TENM2: variants seen among roughly 807,000 people sequenced by gnomAD.
TENM2 encodes the protein teneurin-2.
A neutral mutation model predicts 245.2 loss-of-function variants in TENM2; 52 were observed. The observed-to-expected ratio is 0.21, with a 90% CI of 0.17 to 0.27. TENM2 has a LOEUF of 0.27. Ranked by LOEUF, TENM2 falls within the 10% of genes least tolerant of loss-of-function variation. The probability of loss-of-function intolerance (pLI) is 1.00; values close to 1 mark genes in which losing one functional copy is unlikely to be tolerated. For missense variants in TENM2, 3,046 were observed against 3,666.8 expected (o/e 0.83, Z 4.37); for synonymous variants, 1,363 against 1,438.9 (o/e 0.95, Z 1.19).
intron 2 of TENM2, among the ~76,000 whole-genome samples, chr5:167,566,830 T>C (rs922570013): frequency 1.3e-5 from 2 of 152,172 alleles, no homozygotes; most frequent in African/African-American, 2.4e-5. Context: ...CTCTCTTGAT[T>C]TGCTTTCCAT....
chr5:167,581,323 A>G (rs1775079590), intron 2 of TENM2, among the ~76,000 whole-genome samples: 1 of 152,242 alleles, frequency 6.6e-6, no homozygotes, highest in African/African-American at 2.4e-5. Context: ...TGGTACTTTA[A>G]AAAATATCCT....
At chr5:167,372,151 C>G (rs13355851) in intron 1 of TENM2, among the ~76,000 whole-genome samples, 4,358 of 152,100 alleles carry the variant, frequency 0.029, 214 homozygotes, top group African/African-American at 0.099. Flanking sequence ...TGTAAACATA[C>G]TCATTTAGCT....
At chr5:167,526,387 CACACACAG>C (rs1270175338) in intron 2 of TENM2, among the ~76,000 whole-genome samples, 1 of 151,490 alleles carries the variant, frequency 6.6e-6, no homozygotes, top group African/African-American at 2.4e-5. Flanking sequence ...CACACACACA[CACACACAG>C]AAAAGAAGAA....
intron 12 of TENM2, among the ~76,000 whole-genome samples, chr5:168,139,699 A>T (rs973822869): frequency 2.0e-5 from 3 of 152,196 alleles, no homozygotes; most frequent in Non-Finnish European, 4.4e-5. Flanking sequence ...TACATGGGGT[A>T]GGCGAGAATG....
chr5:167,761,965 C>T (rs934456542), intron 2 of TENM2, among the ~76,000 whole-genome samples: 19 of 152,170 alleles, frequency 1.2e-4, no homozygotes, highest in Admixed American at 6.5e-5. Context: ...CTTCAACCAA[C>T]GAGCTAGGAG....
chr5:167,977,290 T>G (rs1782511781), intron 4 of TENM2, among the ~76,000 whole-genome samples: 1 of 152,142 alleles, frequency 6.6e-6, no homozygotes, highest in Non-Finnish European at 1.5e-5. Context: ...AGTTTATCTA[T>G]ATAACAAACC....
chr5:167,147,414 G>A, the TENM2 span, among the ~76,000 whole-genome samples: 2 of 152,120 alleles, frequency 1.3e-5, no homozygotes, highest in Non-Finnish European at 2.9e-5. Context: ...GATGTTGATG[G>A]CAGTTGAATT....
At chr5:167,684,618 G>A (rs75291314) in intron 2 of TENM2, among the ~76,000 whole-genome samples, 2,169 of 152,242 alleles carry the variant, frequency 0.014, 47 homozygotes, top group African/African-American at 0.05. Context: ...AAAACATTTT[G>A]TTGAGAGGAT....
the TENM2 span, among the ~76,000 whole-genome samples, chr5:167,179,857 T>C: frequency 1.3e-5 from 2 of 152,178 alleles, no homozygotes; most frequent in Admixed American, 6.5e-5. Flanking sequence ...TGTCCTGATA[T>C]TAGCTGCATG....
intron 23 of TENM2, among the ~76,000 whole-genome samples, chr5:168,223,633 A>G (rs1380951250): frequency 6.6e-6 from 1 of 151,792 alleles, no homozygotes; most frequent in Non-Finnish European, 1.5e-5. Flanking sequence ...CGCCCAGCTA[A>G]TTTTTGTATT....
chr5:168,068,523 G>C (rs1790698077), intron 7 of TENM2, among the ~76,000 whole-genome samples: 2 of 152,076 alleles, frequency 1.3e-5, no homozygotes, highest in Non-Finnish European at 2.9e-5. Context: ...CTCTGTATAT[G>C]TATGTTTGTG....
intron 2 of TENM2, among the ~76,000 whole-genome samples, chr5:167,793,713 G>T (rs1000459226): frequency 5.3e-5 from 8 of 151,894 alleles, no homozygotes; most frequent in African/African-American, 1.9e-4. Flanking sequence ...GCACAGGCCT[G>T]TAGTCCCAGC....
At chr5:167,762,347 A>G (rs1762736243) in intron 2 of TENM2, among the ~76,000 whole-genome samples, 2 of 152,190 alleles carry the variant, frequency 1.3e-5, no homozygotes, top group Admixed American at 6.5e-5. Flanking sequence ...TCAACTGCGT[A>G]AAGCATCAAA....
intron 2 of TENM2, among the ~76,000 whole-genome samples, chr5:167,842,015 G>A (rs1231041632): frequency 6.6e-6 from 1 of 151,772 alleles, no homozygotes; most frequent in East Asian, 1.9e-4. Context: ...ACATTGTATA[G>A]CCAAAAGAAC....
the TENM2 span, among the ~76,000 whole-genome samples, chr5:167,114,481 C>A: frequency 6.6e-6 from 1 of 152,110 alleles, no homozygotes; most frequent in Non-Finnish European, 1.5e-5. Context: ...ACTGTCATCT[C>A]CTAGAAGAGA....
chr5:168,063,955 CTCCATCCATCCA>C lies in TENM2; in HGVS notation c.1515+1711_1515+1722del, dbSNP rs3083411. ...TATGTAATGTGGTAATCAGTGAGTC[CTCCATCCATCCA>C]TCCATCCATCCATCCATCCAGAAAA... On this transcript the variant is annotated intron_variant, in intron 7 of 28. Coordinates refer to ENST00000518659, the Ensembl canonical transcript of TENM2. Among the ~76,000 whole-genome samples, 5 of 151,448 alleles carry C rather than the reference CTCCATCCATCCA, an allele frequency of 3.3e-5. No homozygotes were observed. In the South Asian group the frequency reaches 8.4e-4, roughly 25 times the overall value.
At chr5:167,972,783 A>C (rs1477428265) in intron 4 of TENM2, among the ~76,000 whole-genome samples, 1 of 151,934 alleles carries the variant, frequency 6.6e-6, no homozygotes, top group Non-Finnish European at 1.5e-5. Context: ...AATTAAGAGG[A>C]TTTTTTTTCA....
chr5:167,448,522 A>G (rs985214183), intron 2 of TENM2, among the ~76,000 whole-genome samples: 12 of 148,938 alleles, frequency 8.1e-5, no homozygotes, highest in African/African-American at 2.2e-4. Context: ...GCTATCTCGT[A>G]TGTTAGGTAA....
chr5:168,095,078 G>A (rs954548002), intron 8 of TENM2, among the ~76,000 whole-genome samples: 8 of 151,968 alleles, frequency 5.3e-5, no homozygotes, highest in Non-Finnish European at 1.0e-4. Context: ...TGACATTATG[G>A]TGAGTTGTAT....
Sources: allele counts gnomAD v4.1 joint callset (sites outside exome capture counted in the v4.1 genomes callset), GRCh38; gene constraint gnomAD v4.1.1; transcripts MANE v1.5; gene names NCBI Gene and HGNC (gene_info 2026-07-23, HGNC 2026-07-21).